ROPN1: variants seen among roughly 807,000 people sequenced by gnomAD.
ROPN1 encodes ropporin-1A.
In ROPN1, 14 loss-of-function variants were observed where a neutral mutation model predicts 20.5. That is an observed-to-expected ratio of 0.68 (90% CI 0.45 to 1.07). The LOEUF is 1.07. Among genes scored for constraint, ROPN1 ranks in the 50% least tolerant of loss-of-function variants. The probability of loss-of-function intolerance (pLI) is 0.00; values close to 1 mark genes in which losing one functional copy is unlikely to be tolerated. For synonymous variants in ROPN1, 76 were observed against 95.7 expected, an observed-to-expected ratio of 0.79 and a Z score of 1.20; for missense variants, 169 against 242.8, an observed-to-expected ratio of 0.70 and a Z score of 2.02.
At chr3:123,976,632 G>T (rs1217678314) in intron 3 of ROPN1, among the ~76,000 whole-genome samples, 1 of 152,186 alleles carries the variant, frequency 6.6e-6, no homozygotes. Flanking sequence ...TGTACATTCT[G>T]CCAGCTTCAA....
chr3:123,970,764 G>C (rs2037899908), intron 4 of ROPN1, among the ~76,000 whole-genome samples: 1 of 152,130 alleles, frequency 6.6e-6, no homozygotes. Flanking sequence ...AAGCATCTGG[G>C]TCCATCTAAA....
chr3:123,977,839 A>G (rs2148994208), intron 2 of ROPN1, among the ~76,000 whole-genome samples: 1 of 152,344 alleles, frequency 6.6e-6, no homozygotes, highest in South Asian at 2.1e-4. Context: ...ATTGTGGAAC[A>G]AGTACTGAGT....
At chr3:123,970,826 G>A (rs1390772868) in intron 4 of ROPN1, among the ~76,000 whole-genome samples, 1 of 152,128 alleles carries the variant, frequency 6.6e-6, no homozygotes, top group African/African-American at 2.4e-5. Context: ...CCCTTTTATT[G>A]CTGGGGAAAT....
intron 1 of ROPN1, among the ~76,000 whole-genome samples, chr3:123,990,988 G>C (rs1469686924): frequency 6.6e-6 from 1 of 152,178 alleles, no homozygotes; most frequent in Non-Finnish European, 1.5e-5. Flanking sequence ...GTATCACTTG[G>C]AACCAAGCAC....
chr3:123,987,352 G>C (rs144008855), intron 1 of ROPN1, among the ~76,000 whole-genome samples: 2 of 152,180 alleles, frequency 1.3e-5, no homozygotes, highest in African/African-American at 4.8e-5. Flanking sequence ...TCCCCCTTCA[G>C]CCAAGCTTCT....
chr3:123,971,629 G>C (rs2037921567), intron 4 of ROPN1, among the ~76,000 whole-genome samples: 1 of 152,154 alleles, frequency 6.6e-6, no homozygotes, highest in South Asian at 2.1e-4. Context: ...GGCTGTCTGG[G>C]AGGATGGTAA....
At chr3:123,982,301 A>T (rs1348136200) in intron 1 of ROPN1, among the ~76,000 whole-genome samples, 2 of 152,232 alleles carry the variant, frequency 1.3e-5, no homozygotes, top group African/African-American at 4.8e-5. Flanking sequence ...TGCCACAGAC[A>T]TCACCATGGA....
At chr3:123,981,237 C>G (rs2038140679) in intron 1 of ROPN1, 1 of 152,138 alleles carries the variant, frequency 6.6e-6, no homozygotes, top group South Asian at 2.1e-4. Flanking sequence ...TTCAAAACAC[C>G]TAGAGGCCAG....
intron 1 of ROPN1, among the ~76,000 whole-genome samples, chr3:123,985,298 T>C (rs1214085519): frequency 2.6e-5 from 4 of 152,212 alleles, no homozygotes; most frequent in African/African-American, 9.7e-5. Flanking sequence ...TCCCTGTACG[T>C]TGGATTATTA....
chr3:123,978,274 G>A (rs1008698555), intron 2 of ROPN1, among the ~76,000 whole-genome samples: 4 of 149,280 alleles, frequency 2.7e-5, no homozygotes, highest in Non-Finnish European at 5.9e-5. Context: ...GGGTGGGCGG[G>A]GTGTGGGTGC....
intron 5 of ROPN1, 56 bp from the exon 6 acceptor site, chr3:123,969,277 G>A: frequency 7.5e-7 from 1 of 1,327,648 alleles, no homozygotes; most frequent in Admixed American, 1.8e-5. Context: ...TCTTAAGAAA[G>A]ACAATATGCA....
chr3:123,980,728 A>T, intron 1 of ROPN1: 1 of 400,602 alleles, frequency 2.5e-6, no homozygotes, highest in Non-Finnish European at 4.4e-6. Context: ...TTGTTCATTT[A>T]AAAAGTGGAG....
At chr3:123,980,786 C>A (rs998597530) in intron 1 of ROPN1, 10 of 301,468 alleles carry the variant, frequency 3.3e-5, no homozygotes, top group Non-Finnish European at 6.1e-5. Flanking sequence ...AATGATATCA[C>A]CCCCCAAAAT....
At chr3:123,969,951 G>A in intron 5 of ROPN1, 91 bp downstream of exon 5, 1 of 1,251,536 alleles carries the variant, frequency 8.0e-7, no homozygotes, top group Non-Finnish European at 1.1e-6. Flanking sequence ...TCTGTTTCCA[G>A]AGCAGTATAA....
intron 4 of ROPN1, among the ~76,000 whole-genome samples, chr3:123,973,271 A>G (rs946142780): frequency 1.3e-5 from 2 of 152,166 alleles, no homozygotes; most frequent in African/African-American, 2.4e-5. Context: ...TTCATAGGAC[A>G]CCCTTTATTT....
At chr3:123,969,934 A>T (rs1264427513) in intron 5 of ROPN1, 108 bp downstream of exon 5, 4 of 1,080,658 alleles carry the variant, frequency 3.7e-6, no homozygotes, top group Non-Finnish European at 5.3e-6. Flanking sequence ...GTTTCTCACA[A>T]TACTTTTCTG....
In ROPN1 at chr3:123,986,746, AGTT is replaced by A. The variant is rs201365568; in HGVS notation, c.-13+5173_-13+5175del. Among the ~76,000 whole-genome samples, 603 of 152,300 alleles carry A rather than the reference AGTT, an allele frequency of 4.0e-3. 4 individuals carry two copies. Among genetic ancestry groups the A allele is most frequent in the African/African-American group, 0.013 (560 of 41,576 alleles). On this transcript the variant is annotated intron_variant, in intron 1 of 5. Coordinates refer to ENST00000405845, the MANE Select transcript of ROPN1 (RefSeq NM_001317774.2). ...CATGGGCCAGCAAAGTGATGTGGGT[AGTT>A]GTTGTGGGCTCAGGGAAGCTGTAGT...
At chr3:123,983,260 T>A (rs558561036) in intron 1 of ROPN1, among the ~76,000 whole-genome samples, 2 of 152,350 alleles carry the variant, frequency 1.3e-5, no homozygotes, top group East Asian at 3.9e-4. Context: ...GTCCTTGCTT[T>A]AAATTGTGTT....
intron 4 of ROPN1, among the ~76,000 whole-genome samples, chr3:123,970,723 G>A (rs145123281): frequency 4.7e-4 from 71 of 152,236 alleles, no homozygotes; most frequent in Non-Finnish European, 8.5e-4. Flanking sequence ...CTGGAAAAAT[G>A]TTCTTAAACA....
Sources: allele counts gnomAD v4.1 joint callset (sites outside exome capture counted in the v4.1 genomes callset), GRCh38; gene constraint gnomAD v4.1.1; transcripts MANE v1.5; gene names NCBI Gene and HGNC (gene_info 2026-07-23, HGNC 2026-07-21).